SLC26A7: variants seen among roughly 807,000 people sequenced by gnomAD.
SLC26A7 encodes the protein solute carrier family 26 member 7.
In SLC26A7, 59 loss-of-function variants were observed where a neutral mutation model predicts 82.5. That is an observed-to-expected ratio of 0.72 (90% CI 0.58 to 0.89). The LOEUF (loss-of-function observed/expected upper bound fraction) is 0.89. SLC26A7 is among the 40% of genes least tolerant of loss of function. The pLI, the probability that SLC26A7 is intolerant of heterozygous loss-of-function variation, is 0.00. For missense variants in SLC26A7, 820 were observed against 793.0 expected, an observed-to-expected ratio of 1.03 and a Z score of -0.41; for synonymous variants, 271 against 274.3, an observed-to-expected ratio of 0.99 and a Z score of 0.12.
intron 7 of SLC26A7, 139 bp from the exon 8 acceptor site, chr8:91,340,265 C>T (rs1333805124): frequency 1.9e-6 from 2 of 1,038,024 alleles, no homozygotes; most frequent in Non-Finnish European, 2.8e-6. Flanking sequence ...CTTCTAAGGG[C>T]AAGGCTGCTT....
At chr8:91,369,909 C>T in intron 15 of SLC26A7, 76 bp downstream of exon 15, 2 of 1,139,108 alleles carry the variant, frequency 1.8e-6, no homozygotes. Flanking sequence ...TCTTCTTCCC[C>T]TTCTCCTCCT....
intron 3 of SLC26A7, 78 bp from the exon 4 acceptor site, chr8:91,295,453 T>C: frequency 6.6e-7 from 1 of 1,514,364 alleles, no homozygotes; most frequent in East Asian, 2.3e-5. Context: ...CAATGTAGCT[T>C]CGACAGAATC....
chr8:91,283,609 T>C (rs1811631697), intron 2 of SLC26A7, among the ~76,000 whole-genome samples: 2 of 152,202 alleles, frequency 1.3e-5, no homozygotes, highest in African/African-American at 2.4e-5. Flanking sequence ...TATTGGTACT[T>C]AGCCTTTATT....
At chr8:91,301,254 G>A (rs963344948) in intron 4 of SLC26A7, among the ~76,000 whole-genome samples, 14 of 152,090 alleles carry the variant, frequency 9.2e-5, no homozygotes, top group African/African-American at 3.4e-4. Context: ...TCTTCTTAAC[G>A]TCCCTTCTCA....
chr8:91,366,755 G>C, intron 14 of SLC26A7, 38 bp downstream of exon 14: 1 of 1,588,994 alleles, frequency 6.3e-7, no homozygotes, highest in Non-Finnish European at 8.5e-7. Flanking sequence ...CATACTACAT[G>C]TAGCCTTATA....
chr8:91,344,027 C>T (rs1276615638), intron 9 of SLC26A7: 25 of 973,464 alleles, frequency 2.6e-5, no homozygotes, highest in South Asian at 4.8e-5. Context: ...ATGATGATGA[C>T]GATGTTGATG....
chr8:91,266,856 G>A (rs371887731), intron 2 of SLC26A7, among the ~76,000 whole-genome samples: 2 of 152,012 alleles, frequency 1.3e-5, no homozygotes, highest in South Asian at 2.1e-4. Context: ...CCCATTCAGT[G>A]TGATGTTAGT....
At chr8:91,259,669 C>T (rs1405103306) in intron 2 of SLC26A7, among the ~76,000 whole-genome samples, 1 of 152,026 alleles carries the variant, frequency 6.6e-6, no homozygotes, top group African/African-American at 2.4e-5. Context: ...TGCTTCTTTG[C>T]CTCAGGACAT....
At chr8:91,277,524 T>C (rs1811438004) in intron 2 of SLC26A7, among the ~76,000 whole-genome samples, 1 of 152,222 alleles carries the variant, frequency 6.6e-6, no homozygotes, top group South Asian at 2.1e-4. Flanking sequence ...TCCAGTGGCA[T>C]CAAAGTGGCT....
intron 15 of SLC26A7, among the ~76,000 whole-genome samples, chr8:91,383,777 A>T (rs955460660): frequency 2.0e-5 from 3 of 152,160 alleles, no homozygotes; most frequent in African/African-American, 4.8e-5. Flanking sequence ...TCCACTGCCT[A>T]GTCATCTACT....
intron 6 of SLC26A7, 94 bp downstream of exon 6, chr8:91,334,541 C>A (rs765823456): frequency 1.9e-5 from 21 of 1,098,564 alleles, no homozygotes; most frequent in Non-Finnish European, 2.4e-5. Flanking sequence ...CTGTAGTAAC[C>A]CTCAGCTACT....
chr8:91,231,287 T>C (rs1302988336), intron 2 of SLC26A7, among the ~76,000 whole-genome samples: 1 of 152,202 alleles, frequency 6.6e-6, no homozygotes, highest in Non-Finnish European at 1.5e-5. Context: ...TGACTATGAT[T>C]TCATTGCTGT....
At chr8:91,215,486 T>C (rs1207333918) in intron 1 of SLC26A7, among the ~76,000 whole-genome samples, 1 of 152,148 alleles carries the variant, frequency 6.6e-6, no homozygotes, top group Non-Finnish European at 1.5e-5. Context: ...AAGAGTAATA[T>C]TTGAATTTAA....
chr8:91,385,451 G>A (rs1017963159), intron 15 of SLC26A7, among the ~76,000 whole-genome samples: 1 of 152,158 alleles, frequency 6.6e-6, no homozygotes, highest in Non-Finnish European at 1.5e-5. Context: ...TTTCATTTGG[G>A]TGAATGGGTA....
chr8:91,307,390 G>C (rs1211676592), intron 4 of SLC26A7, among the ~76,000 whole-genome samples: 25 of 140,388 alleles, frequency 1.8e-4, no homozygotes, highest in Non-Finnish European at 7.7e-5. Context: ...CAAAGACTTG[G>C]AACCAACCCA....
At chr8:91,254,564 G>A (rs1810749437) in intron 2 of SLC26A7, among the ~76,000 whole-genome samples, 1 of 152,030 alleles carries the variant, frequency 6.6e-6, no homozygotes, top group Non-Finnish European at 1.5e-5. Flanking sequence ...TGCATTGTCT[G>A]TTACTGATTT....
At chr8:91,321,170 A>G (rs975313479) in intron 5 of SLC26A7, among the ~76,000 whole-genome samples, 2 of 152,212 alleles carry the variant, frequency 1.3e-5, no homozygotes, top group Non-Finnish European at 2.9e-5. Flanking sequence ...GATGAGTATG[A>G]ACAGCTAATA....
chr8:91,254,991 CT>C (rs1810761462), intron 2 of SLC26A7, among the ~76,000 whole-genome samples: 1 of 152,100 alleles, frequency 6.6e-6, no homozygotes, highest in African/African-American at 2.4e-5. Flanking sequence ...ACTCTGGTTT[CT>C]AAAGCATTTT....
intron 5 of SLC26A7, among the ~76,000 whole-genome samples, chr8:91,328,974 T>G (rs542137905): frequency 6.6e-6 from 1 of 152,274 alleles, no homozygotes; most frequent in East Asian, 1.9e-4. Flanking sequence ...ACTCTCAATA[T>G]ATAATGAACT....
Sources: gnomAD v4.1 joint callset for allele counts (sites outside exome capture counted in the v4.1 genomes callset) on GRCh38, gnomAD v4.1.1 for gene constraint, MANE v1.5 for transcripts, NCBI Gene and HGNC (gene_info 2026-07-23, HGNC 2026-07-21) for gene names.